Variants in SMIM5 observed in about 807,000 individuals in gnomAD.
The protein encoded by SMIM5 is small integral membrane protein 5.
A neutral mutation model predicts 4.0 loss-of-function variants in SMIM5; 4 were observed. The observed-to-expected ratio is 1.01, with a 90% CI of 0.50 to 2.30. SMIM5 has a LOEUF of 2.30. Among genes scored for constraint, SMIM5 ranks in the 30% most tolerant of loss-of-function variants. The pLI, the probability that SMIM5 is intolerant of heterozygous loss-of-function variation, is 0.02. For missense variants in SMIM5, 107 were observed against 99.2 expected, an observed-to-expected ratio of 1.08 and a Z score of -0.34; for synonymous variants, 46 against 43.6, an observed-to-expected ratio of 1.05 and a Z score of -0.22.
At position 75,641,304 on chromosome 17, in the gene SMIM5, G is replaced by A. The variant is rs1228978226; in HGVS notation, c.*407G>A. The A allele has an allele frequency of 5.7e-6, 1 of 174,950 alleles. No homozygotes were observed. Among genetic ancestry groups the A allele is most frequent in the African/African-American group, 2.3e-5 (1 of 42,586 alleles). The allele number at this position is 174,950 out of a possible 1,614,324, so 10.8% of individuals were successfully genotyped here. The stretch of plus-strand genomic sequence containing the variant: ...GGAGCAAGGCAATCAGAGGGGCTTT[G>A]TGCAATAGCTTCTGCATCCGAGCTC... On this transcript the variant is annotated 3_prime_UTR_variant, in exon 3 of 3. Coordinates refer to ENST00000375215, the MANE Select transcript of SMIM5 (RefSeq NM_001162995.3).
chr17:75,637,464 C>G (rs989202926), intron 1 of SMIM5: 3 of 152,366 alleles, frequency 2.0e-5, no homozygotes, highest in Non-Finnish European at 2.9e-5. Context: ...ACCTGGAAAG[C>G]TGGGGCGTGA....
In SMIM5 at chr17:75,640,236, C is replaced by A. The variant is rs1379216308; in HGVS notation, c.35C>A (p.Ala12Asp). The part of the protein sequence containing the change: ...AATDFVQEMR[A>D]VGERLLLKLQ... The stretch of plus-strand genomic sequence containing the variant: ...ACCGACTTCGTGCAGGAGATGCGCG[C>A]CGTGGGCGAGAGGCTGCTGCTCAAG... Residue 12 changes from alanine (A) to aspartate (D), a missense_variant, in exon 2 of 3, where the codon GCC becomes GAC. Physicochemically the swap from Ala to Asp is moderately radical, Grantham distance 126 (BLOSUM62 -2). Transcript: ENST00000375215. This position sits in a 1 kb window ranked among gnomAD's most constrained non-coding sequence, Gnocchi z 4.6. 3.2e-6 allele frequency: 5 copies of A among 1,551,008 alleles called. No homozygotes were observed. The South Asian group carries it at 4.8e-5, about 15-fold the overall frequency.
In SMIM5 at chr17:75,636,861, C is replaced by A. The variant is rs573116656; in HGVS notation, c.-37+2659C>A. ...ACTGTGTGACAGGATACCGTGAGTACCCCTGGGTCAGACCCTGGGGCTGGG... is the reference window on the plus strand; with the variant it reads ...ACTGTGTGACAGGATACCGTGAGTAACCCTGGGTCAGACCCTGGGGCTGGG... On this transcript the variant is annotated intron_variant, in intron 1 of 2. Transcript: ENST00000375215. This position sits in a 1 kb window ranked among gnomAD's most constrained non-coding sequence, Gnocchi z 5.4. 1 of 152,370 alleles carries A rather than the reference C, an allele frequency of 6.6e-6. No individual in the cohort carries two copies. The highest frequency in any genetic ancestry group is 1.9e-4 in the East Asian group (1 of 5,192). The allele number at this position is 152,370 out of a possible 1,614,324, so 9.4% of individuals were successfully genotyped here.
At position 75,640,979 on chromosome 17, in the gene SMIM5, T is replaced by C. The variant is rs1038964056; in HGVS notation, c.*82T>C. On this transcript the variant is annotated 3_prime_UTR_variant, in exon 3 of 3. Transcript: ENST00000375215. This position sits in a 1 kb window ranked among gnomAD's most constrained non-coding sequence, Gnocchi z 4.6. ...GGCCATCAGCCTGGCCCTGCAGCCC[T>C]TACCCCTCAAGACCAGGCTCCCCTG... 5.3e-6 allele frequency: 8 copies of C among 1,509,286 alleles called. No individual in the cohort carries two copies. The African/African-American group carries it at 6.9e-5, about 13-fold the overall frequency. The allele number at this position is 1,509,286 out of a possible 1,614,324, so 93.5% of individuals were successfully genotyped here. A position where few individuals can be genotyped will look rare whatever the true frequency, so the allele number is the denominator to read the frequency against.
rs1445110052 is a variant in SMIM5 at position 75,636,701 on chromosome 17, C to T, written c.-37+2499C>T. On this transcript the variant is annotated intron_variant, in intron 1 of 2. Coordinates refer to ENST00000375215, the MANE Select transcript of SMIM5 (RefSeq NM_001162995.3). This position sits in a 1 kb window ranked among gnomAD's most constrained non-coding sequence, Gnocchi z 5.4. ...GAACAGGACCCCTCAGCTCCCCCAC[C>T]TGCGCCATGAAGGTTCAGTCGCGGG... 1 of 152,368 alleles carries T rather than the reference C, an allele frequency of 6.6e-6. No individual in the cohort carries two copies. The highest frequency in any genetic ancestry group is 1.5e-5 in the Non-Finnish European group (1 of 68,138). 9.4% of individuals were successfully genotyped at this position (152,368 alleles called of 1,614,324 possible).
chr17:75,640,728 G>A lies in SMIM5; in HGVS notation c.128-63G>A, dbSNP rs1428024833. The A allele has an allele frequency of 2.0e-6, 3 of 1,525,678 alleles. No individual in the cohort carries two copies. Among genetic ancestry groups the A allele is most frequent in the Non-Finnish European group, 2.7e-6 (3 of 1,130,974 alleles). 94.5% of individuals were successfully genotyped at this position (1,525,678 alleles called of 1,614,324 possible). The stretch of plus-strand genomic sequence containing the variant: ...CCTGGCAGGCAGTGGGTTTCTCTGG[G>A]AGGAGGGTGGGCATCCTTTCTCTCC... On this transcript the variant is annotated intron_variant, in intron 2 of 2. Transcript: ENST00000375215. The surrounding 1 kb of genome is among the most constrained non-coding windows in gnomAD (Gnocchi z 4.6).
chr17:75,633,556 G>A lies in SMIM5; in HGVS notation c.-683G>A, dbSNP rs189271589. The A allele has an allele frequency of 5.7e-5, 73 of 1,275,016 alleles. No individual in the cohort carries two copies. The highest frequency in any genetic ancestry group is 2.2e-4 in the Middle Eastern group (1 of 4,610). The allele number at this position is 1,275,016 out of a possible 1,614,324, so 79.0% of individuals were successfully genotyped here. On this transcript the variant is annotated 5_prime_UTR_variant, in exon 1 of 3. Coordinates refer to ENST00000375215, the MANE Select transcript of SMIM5 (RefSeq NM_001162995.3). ...CCCAAGACGCCTTCAGATGCTGAGCGGCACAAGGGCCTCCCCAGGGACTGG... is the reference window on the plus strand; with the variant it reads ...CCCAAGACGCCTTCAGATGCTGAGCAGCACAAGGGCCTCCCCAGGGACTGG...
At chr17:75,634,851 G>A (rs2059288783) in intron 1 of SMIM5, among the ~76,000 whole-genome samples, 1 of 152,232 alleles carries the variant, frequency 6.6e-6, no homozygotes, top group Admixed American at 6.5e-5. Context: ...GCTCAGGTGG[G>A]CAGAAGGTCA....
rs1401391854 is a variant in SMIM5, at chr17:75,636,484, A to G, written c.-37+2282A>G. 6.6e-6 allele frequency: 1 copy of G among 152,172 alleles called. No homozygotes were observed. Among genetic ancestry groups the G allele is most frequent in the African/African-American group, 2.4e-5 (1 of 41,430 alleles). The allele number at this position is 152,172 out of a possible 1,614,324, so 9.4% of individuals were successfully genotyped here. A position where few individuals can be genotyped will look rare whatever the true frequency, so the allele number is the denominator to read the frequency against. Reference sequence around the variant, plus strand: ...AGAGGTGGCCAGCCTCAGAGCTCCCATGTTCCCCTCGCCACAGCTGGGAAC... The same window carrying G: ...AGAGGTGGCCAGCCTCAGAGCTCCCGTGTTCCCCTCGCCACAGCTGGGAAC... On this transcript the variant is annotated intron_variant, in intron 1 of 2. Transcript: ENST00000375215. This position sits in a 1 kb window ranked among gnomAD's most constrained non-coding sequence, Gnocchi z 5.4.
rs887236824 is a variant in SMIM5 at position 75,640,758 on chromosome 17, A to T, written c.128-33A>T. On this transcript the variant is annotated intron_variant, in intron 2 of 2. Coordinates refer to ENST00000375215, the MANE Select transcript of SMIM5 (RefSeq NM_001162995.3). This position sits in a 1 kb window ranked among gnomAD's most constrained non-coding sequence, Gnocchi z 4.6. ...GGGTGGGCATCCTTTCTCTCCCCCA[A>T]CCTGAGTCCCGTGCTCTCTCCCGGC... 6.5e-7 allele frequency: 1 copy of T among 1,542,488 alleles called. No individual in the cohort carries two copies. The highest frequency in any genetic ancestry group is 8.8e-7 in the Non-Finnish European group (1 of 1,141,346).
At position 75,640,167 on chromosome 17, in the gene SMIM5, G is replaced by A. The variant is rs1369268495; in HGVS notation, c.-35G>A. 3.9e-6 allele frequency: 6 copies of A among 1,524,746 alleles called. No homozygotes were observed. The highest frequency in any genetic ancestry group is 5.3e-6 in the Non-Finnish European group (6 of 1,136,922). The allele number at this position is 1,524,746 out of a possible 1,614,324, so 94.5% of individuals were successfully genotyped here. On this transcript the variant is annotated splice_region_variant and 5_prime_UTR_variant, in exon 2 of 3. Coordinates refer to ENST00000375215, the MANE Select transcript of SMIM5 (RefSeq NM_001162995.3). This position sits in a 1 kb window ranked among gnomAD's most constrained non-coding sequence, Gnocchi z 4.6. ...CAGGTGTTCTCTCTGCCCCAGCAGAGCCCGGCAGGAGCCCCAACAGGAAGC... is the reference window on the plus strand; with the variant it reads ...CAGGTGTTCTCTCTGCCCCAGCAGAACCCGGCAGGAGCCCCAACAGGAAGC...
rs990735328 is a variant in SMIM5 at position 75,636,950 on chromosome 17, C to G, written c.-37+2748C>G. On this transcript the variant is annotated intron_variant, in intron 1 of 2. Coordinates refer to ENST00000375215, the MANE Select transcript of SMIM5 (RefSeq NM_001162995.3). This position sits in a 1 kb window ranked among gnomAD's most constrained non-coding sequence, Gnocchi z 5.4. ...GTCAGCCCCCTAGGGAAGCCCTGGGCGCAAAGCTATGACACTGTCCACAGC... is the reference window on the plus strand; with the variant it reads ...GTCAGCCCCCTAGGGAAGCCCTGGGGGCAAAGCTATGACACTGTCCACAGC... 2 of 152,216 alleles carry G rather than the reference C, an allele frequency of 1.3e-5. No homozygotes were observed. Among genetic ancestry groups the G allele is most frequent in the African/African-American group, 2.4e-5 (1 of 41,446 alleles). The allele number at this position is 152,216 out of a possible 1,614,324, so 9.4% of individuals were successfully genotyped here.
chr17:75,635,860 TGGGGTTGGAGTATCAGCTCTGC>T (rs2059311793), intron 1 of SMIM5: 1 of 985,284 alleles, frequency 1.0e-6, no homozygotes. Context: ...GTGAGGCGCC[TGGGGTTGGAGTATCAGCTCTGC>T]GAGGAGGAAA....
chr17:75,638,776 G>A (rs563807086), intron 1 of SMIM5: 2 of 152,466 alleles, frequency 1.3e-5, no homozygotes, highest in Admixed American at 1.3e-4. Flanking sequence ...GAAGCAACCT[G>A]TTCATGTCAC....
At position 75,633,898 on chromosome 17, in the gene SMIM5, G is replaced by A. The variant is rs547813274; in HGVS notation, c.-341G>A. On this transcript the variant is annotated 5_prime_UTR_variant, in exon 1 of 3. Transcript: ENST00000375215. ...GAGGAGGAGGAAGGAGGAGGAGAGA[G>A]GGAGCTTGTCTTGTCCCTGAGCAGC... The A allele has an allele frequency of 8.1e-6, 8 of 991,074 alleles. No homozygotes were observed. In the African/African-American group the frequency reaches 1.2e-4, roughly 15 times the overall value. 61.4% of individuals were successfully genotyped at this position (991,074 alleles called of 1,614,324 possible).
chr17:75,640,295 A>G lies in SMIM5; in HGVS notation c.94A>G (p.Ile32Val), dbSNP rs1450543150. The change falls in exon 2 of 3, where the codon ATC becomes GTC. Residue 32 changes from isoleucine to valine, a missense_variant. By Grantham distance (29) the Ile-to-Val change is conservative (BLOSUM62 3). Transcript: ENST00000375215. This position sits in a 1 kb window ranked among gnomAD's most constrained non-coding sequence, Gnocchi z 4.6. ...ACTGCCCCAGGCTGAGCCCGTGGAG[A>G]TCGTGGCCTTCTCAGTCATCATCCT... is the stretch of plus-strand genomic sequence containing the variant. ...QRLPQAEPVE[I>V]VAFSVIILFT... is the part of the protein sequence containing the mutation. 2.1e-5 allele frequency: 32 copies of G among 1,550,702 alleles called. No homozygotes were observed. The highest frequency in any genetic ancestry group is 2.8e-5 in the Non-Finnish European group (32 of 1,146,634).
In SMIM5 at chr17:75,640,623, C is replaced by A. The variant is rs556805933; in HGVS notation, c.128-168C>A. On this transcript the variant is annotated intron_variant, in intron 2 of 2. Transcript: ENST00000375215. The surrounding 1 kb of genome is among the most constrained non-coding windows in gnomAD (Gnocchi z 4.6). ...ACAACATGGAGGAGGTTGGCCCTGG[C>A]GGCTGGCATGGGGACCGTCCGCACC... 1.3e-5 allele frequency among the ~76,000 whole-genome samples: 2 copies of A among 152,196 alleles called. No homozygotes were observed. The highest frequency in any genetic ancestry group is 3.9e-4 in the East Asian group (2 of 5,166).
At position 75,641,217 on chromosome 17, in the gene SMIM5, T is replaced by G. The variant is rs763863449; in HGVS notation, c.*320T>G. 34 of 302,870 alleles carry G rather than the reference T, an allele frequency of 1.1e-4. No homozygotes were observed. Among genetic ancestry groups the G allele is most frequent in the Non-Finnish European group, 1.7e-4 (27 of 154,362 alleles). The allele number at this position is 302,870 out of a possible 1,614,324, so 18.8% of individuals were successfully genotyped here. On this transcript the variant is annotated 3_prime_UTR_variant, in exon 3 of 3. Coordinates refer to ENST00000375215, the MANE Select transcript of SMIM5 (RefSeq NM_001162995.3). ...GGAAGTAGGGGTCCCCATACCTTGATGGAGAACAGTCCCCACCTGTGGGCA... is the reference window on the plus strand; with the variant it reads ...GGAAGTAGGGGTCCCCATACCTTGAGGGAGAACAGTCCCCACCTGTGGGCA...
At chr17:75,635,008 A>AGG (rs2059292251) in intron 1 of SMIM5, among the ~76,000 whole-genome samples, 1 of 152,146 alleles carries the variant, frequency 6.6e-6, no homozygotes, top group Non-Finnish European at 1.5e-5. Context: ...CCTCCTGGGC[A>AGG]GGGCCCGTGA....
Sources: gnomAD v4.1 joint callset for allele counts (sites outside exome capture counted in the v4.1 genomes callset) on GRCh38, gnomAD v4.1.1 for gene constraint, Gnocchi (gnomAD v3.1) non-coding constraint, MANE v1.5 for transcripts, NCBI Gene and HGNC (gene_info 2026-07-23, HGNC 2026-07-21) for gene names.